Variants in LIMA1 observed in about 807,000 individuals in gnomAD.
LIMA1 encodes the protein LIM domain and actin-binding protein 1.
LIMA1 carries 52 observed loss-of-function variants against 62.6 expected under a neutral mutation model. That is an observed-to-expected ratio of 0.83 (90% CI 0.67 to 1.05). The LOEUF is 1.05. Among genes scored for constraint, LIMA1 ranks in the 50% least tolerant of loss-of-function variants. The probability of loss-of-function intolerance (pLI) is 0.00; values close to 1 mark genes in which losing one functional copy is unlikely to be tolerated. For synonymous variants in LIMA1, 302 were observed against 317.8 expected (o/e 0.95, Z 0.53); for missense variants, 780 against 902.2 (o/e 0.86, Z 1.74).
intron 1 of LIMA1, among the ~76,000 whole-genome samples, chr12:50,258,026 C>T (rs1942019206): frequency 6.6e-6 from 1 of 152,160 alleles, no homozygotes; most frequent in Admixed American, 6.5e-5. Flanking sequence ...CCAGTGTTCT[C>T]TCAACTTGCC....
In LIMA1 at chr12:50,199,100, C is replaced by T. The variant is rs141304850; in HGVS notation, c.972+1677G>A. Among the ~76,000 whole-genome samples, 59 of 152,214 alleles carry T rather than the reference C, an allele frequency of 3.9e-4. No individual in the cohort carries two copies. The East Asian group carries it at 0.01, about 26-fold the overall frequency. On this transcript the variant is annotated intron_variant, in intron 7 of 10. Transcript: ENST00000341247. ...AATCCCTCACTTTGGGAGGCCAAGGCGGGTGGATCACGTGAGGTCAGGAGT... is the reference window on the plus strand; with the variant it reads ...AATCCCTCACTTTGGGAGGCCAAGGTGGGTGGATCACGTGAGGTCAGGAGT...
At chr12:50,204,254 C>G (rs1022191685) in intron 6 of LIMA1, 3 of 253,374 alleles carry the variant, frequency 1.2e-5, no homozygotes, top group African/African-American at 6.6e-5. Flanking sequence ...TAATAAAATA[C>G]TACTTCTTTA....
intron 2 of LIMA1, among the ~76,000 whole-genome samples, chr12:50,239,996 AATAACATAACATAACATAACATAAC>A (rs373467242): frequency 2.3e-5 from 3 of 128,580 alleles, no homozygotes; most frequent in Non-Finnish European, 4.9e-5. Context: ...TCTATCTCAA[AATAACATAACATAACATAACATAAC>A]ATAACATAAC....
rs748905485 is a variant in LIMA1 at position 50,177,422 on chromosome 12, G to A, written c.1922C>T (p.Ala641Val). ...AERKQVENAK[A>V]SKKNGNVGKT... The stretch of plus-strand genomic sequence containing the variant: ...TCCCACATTCCCATTCTTCTTAGAA[G>A]CCTTGGCATTTTCCACTTGTTTCCT... Residue 641 changes from alanine (A) to valine (V), a missense_variant, in exon 11 of 11, where the codon GCT becomes GTT. Physicochemically the swap from Ala to Val is moderately conservative, Grantham distance 64. Coordinates refer to ENST00000341247, the MANE Select transcript of LIMA1 (RefSeq NM_016357.5). 3 of 1,613,908 alleles carry A rather than the reference G, an allele frequency of 1.9e-6. No homozygotes were observed. Among genetic ancestry groups the A allele is most frequent in the Non-Finnish European group, 2.5e-6 (3 of 1,180,022 alleles).
chr12:50,270,983 T>A (rs1356954308), intron 1 of LIMA1, among the ~76,000 whole-genome samples: 4 of 152,028 alleles, frequency 2.6e-5, no homozygotes, highest in Admixed American at 1.3e-4. Context: ...TCCCAATTAC[T>A]CGGGAGGCTG....
chr12:50,188,944 G>A (rs555089519), intron 9 of LIMA1: 2 of 152,362 alleles, frequency 1.3e-5, no homozygotes, highest in Admixed American at 1.3e-4. Context: ...CACAACCTGA[G>A]CACTCACATC....
rs746973082 is a variant in LIMA1, at chr12:50,248,722, T to C, written c.30A>G (p.Gln10=). The change falls in exon 2 of 11, where the codon CAA becomes CAG. Residue 10 remains glutamine, a synonymous_variant. Transcript: ENST00000341247. ...TTACCCTCAATGATAGTGAGGTCCA[T>C]TGCCGTCTATTAAATGGAGATGATT... MESSPFNRR[Q]WTSLSLRVTA... 31 of 1,610,890 alleles carry C rather than the reference T, an allele frequency of 1.9e-5. No homozygotes were observed. The South Asian group carries it at 2.2e-4, about 11-fold the overall frequency.
intron 6 of LIMA1, among the ~76,000 whole-genome samples, chr12:50,203,709 A>C (rs1479197184): frequency 6.6e-6 from 1 of 152,176 alleles, no homozygotes; most frequent in Non-Finnish European, 1.5e-5. Flanking sequence ...CATCACACCC[A>C]GCTGAATATC....
intron 1 of LIMA1, chr12:50,249,840 A>T (rs1941904081): frequency 1.3e-5 from 2 of 152,244 alleles, no homozygotes; most frequent in Non-Finnish European, 2.9e-5. Flanking sequence ...CAGAAGTAAA[A>T]GAAAAATAAA....
chr12:50,177,767 T>C lies in LIMA1; in HGVS notation c.1577A>G (p.Lys526Arg). Reference sequence around the variant, plus strand: ...GGGTGGCCAGGCGATCCTCAGCTTCTTGGTTTCAGCTGGCTTGTCTTCCTT... The same window carrying C: ...GGGTGGCCAGGCGATCCTCAGCTTCCTGGTTTCAGCTGGCTTGTCTTCCTT... ...QEKEDKPAET[K>R]KLRIAWPPPT... Residue 526 changes from lysine (K) to arginine (R), a missense_variant, in exon 11 of 11, where the codon AAG (lysine) becomes AGG (arginine). Lys to Arg is a conservative substitution (Grantham distance 26). Transcript: ENST00000341247. The C allele has an allele frequency of 6.2e-7, 1 of 1,614,188 alleles. No individual in the cohort carries two copies. The highest frequency in any genetic ancestry group is 8.5e-7 in the Non-Finnish European group (1 of 1,180,030).
chr12:50,206,677 G>A (rs1941159809), intron 4 of LIMA1, among the ~76,000 whole-genome samples: 1 of 152,106 alleles, frequency 6.6e-6, no homozygotes, highest in South Asian at 2.1e-4. Context: ...TCTAGATCTG[G>A]TCCCTACCGA....
chr12:50,278,187 G>A (rs1020616779), intron 1 of LIMA1, among the ~76,000 whole-genome samples: 4 of 152,116 alleles, frequency 2.6e-5, no homozygotes, highest in Non-Finnish European at 5.9e-5. Flanking sequence ...TTGGGAGGCC[G>A]AGGTGGGCGG....
At chr12:50,265,150 CAA>C (rs202118402) in intron 1 of LIMA1, among the ~76,000 whole-genome samples, 2 of 113,816 alleles carry the variant, frequency 1.8e-5, no homozygotes, top group Admixed American at 9.1e-5. Context: ...GAGACCGTCT[CAA>C]AAAAAAAAAA....
chr12:50,252,579 C>CAAAAAAAA (rs397936373), intron 1 of LIMA1, among the ~76,000 whole-genome samples: 11 of 58,822 alleles, frequency 1.9e-4, no homozygotes, highest in East Asian at 5.5e-4. Context: ...GAAACTGTCT[C>CAAAAAAAA]AAAAAAAAAA....
chr12:50,245,713 C>G (rs989524789), intron 2 of LIMA1, among the ~76,000 whole-genome samples: 1 of 148,598 alleles, frequency 6.7e-6, no homozygotes, highest in Non-Finnish European at 1.5e-5. Flanking sequence ...CAGTGAGAAA[C>G]ACTAAAAAAA....
chr12:50,263,584 G>T (rs1213150421), intron 1 of LIMA1, among the ~76,000 whole-genome samples: 1 of 152,058 alleles, frequency 6.6e-6, no homozygotes, highest in Non-Finnish European at 1.5e-5. Context: ...TGTATAAACT[G>T]AGTAGGAATG....
At chr12:50,229,966 A>C (rs1379047344) in intron 3 of LIMA1, 1 of 152,010 alleles carries the variant, frequency 6.6e-6, no homozygotes, top group Non-Finnish European at 1.5e-5. Flanking sequence ...ACCACCCTAG[A>C]CTCTATCCTC....
intron 1 of LIMA1, among the ~76,000 whole-genome samples, chr12:50,255,304 C>T (rs779073909): frequency 1.3e-4 from 19 of 151,678 alleles, no homozygotes; most frequent in Non-Finnish European, 2.5e-4. Flanking sequence ...CCTGTAATCC[C>T]AGCACTTTGG....
chr12:50,245,759 TG>T (rs1941839655), intron 2 of LIMA1, among the ~76,000 whole-genome samples: 1 of 151,060 alleles, frequency 6.6e-6, no homozygotes, highest in Admixed American at 6.6e-5. Flanking sequence ...CCCTGGAGGC[TG>T]GCACGCCACT....
Sources: allele counts gnomAD v4.1 joint callset (sites outside exome capture counted in the v4.1 genomes callset), GRCh38; gene constraint gnomAD v4.1.1; transcripts MANE v1.5; gene names NCBI Gene and HGNC (gene_info 2026-07-23, HGNC 2026-07-21).